GOLM1: variants seen among roughly 807,000 people sequenced by gnomAD.
The protein encoded by GOLM1 is golgi membrane protein 1.
A neutral mutation model predicts 50.5 loss-of-function variants in GOLM1; 31 were observed. That is an observed-to-expected ratio of 0.61 (90% CI 0.46 to 0.83). GOLM1 has a LOEUF of 0.83. GOLM1 is among the 40% of genes least tolerant of loss of function. GOLM1 has a pLI of 0.00. For synonymous variants in GOLM1, 178 were observed against 192.8 expected (o/e 0.92, Z 0.64); for missense variants, 491 against 501.3 (o/e 0.98, Z 0.20).
chr9:86,041,197 T>C (rs1456326766), intron 5 of GOLM1, among the ~76,000 whole-genome samples: 2 of 152,166 alleles, frequency 1.3e-5, no homozygotes, highest in Non-Finnish European at 2.9e-5. Flanking sequence ...CTTAAAAGCC[T>C]TGGAAGTTCC....
At position 86,041,738 on chromosome 9, in the gene GOLM1, G is replaced by A. The variant is rs779098317; in HGVS notation, c.468-870C>T. 1.8e-4 allele frequency among the ~76,000 whole-genome samples: 28 copies of A among 152,172 alleles called. 1 individual carries two copies. The highest frequency in any genetic ancestry group is 9.2e-4 in the Admixed American group (14 of 15,282). ...TGAGGGTGGCTAGGGGACACATCAA[G>A]ACTTGTGGCTGGCATCTGAGGTGGG... On this transcript the variant is annotated intron_variant, in intron 5 of 9. Transcript: ENST00000388712.
intron 6 of GOLM1, among the ~76,000 whole-genome samples, chr9:86,038,220 T>G (rs947881268): frequency 6.6e-6 from 1 of 151,182 alleles, no homozygotes; most frequent in Non-Finnish European, 1.5e-5. Context: ...CCCATACTTA[T>G]GAGTTTTACC....
chr9:86,099,032 C>T (rs931705011), intron 1 of GOLM1, among the ~76,000 whole-genome samples: 25 of 152,300 alleles, frequency 1.6e-4, no homozygotes, highest in Middle Eastern at 3.4e-3. Flanking sequence ...GGAACTAGTG[C>T]GACTTAGGGG....
At chr9:86,060,816 T>C (rs1368981256) in intron 3 of GOLM1, among the ~76,000 whole-genome samples, 6 of 130,774 alleles carry the variant, frequency 4.6e-5, no homozygotes, top group African/African-American at 1.4e-4. Flanking sequence ...AGGCAGAGGT[T>C]GCGGTGAGCC....
At chr9:86,089,436 T>C (rs1835103219) in intron 1 of GOLM1, among the ~76,000 whole-genome samples, 1 of 152,174 alleles carries the variant, frequency 6.6e-6, no homozygotes, top group Non-Finnish European at 1.5e-5. Flanking sequence ...CCATATTTGT[T>C]GGAGGCTTTG....
chr9:86,028,897 G>A (rs545346290), intron 9 of GOLM1, among the ~76,000 whole-genome samples: 1 of 143,736 alleles, frequency 7.0e-6, no homozygotes. Context: ...CACCCAGGCT[G>A]GAGTGCAGTC....
intron 3 of GOLM1, among the ~76,000 whole-genome samples, chr9:86,056,427 C>CT (rs1833988207): frequency 6.6e-6 from 1 of 151,000 alleles, no homozygotes; most frequent in South Asian, 2.1e-4. Flanking sequence ...TTCTTAGCTT[C>CT]TTTCAGGGTT....
intron 5 of GOLM1, among the ~76,000 whole-genome samples, chr9:86,044,831 A>C (rs915033559): frequency 1.3e-5 from 2 of 152,038 alleles, no homozygotes; most frequent in African/African-American, 2.4e-5. Flanking sequence ...ACGTGCCCAT[A>C]ATCCCAGCTA....
At chr9:86,033,947 C>T (rs1470825232) in intron 8 of GOLM1, among the ~76,000 whole-genome samples, 1 of 151,584 alleles carries the variant, frequency 6.6e-6, no homozygotes, top group African/African-American at 2.4e-5. Flanking sequence ...TATGTGTATG[C>T]AGGCTGGTAA....
At chr9:86,092,998 G>A (rs1835233787) in intron 1 of GOLM1, among the ~76,000 whole-genome samples, 1 of 152,176 alleles carries the variant, frequency 6.6e-6, no homozygotes, top group Admixed American at 6.5e-5. Flanking sequence ...CCAACATACT[G>A]AAAATGATTA....
chr9:86,088,387 C>T (rs556468690), intron 1 of GOLM1, among the ~76,000 whole-genome samples: 142 of 132,376 alleles, frequency 1.1e-3, no homozygotes, highest in Non-Finnish European at 1.6e-3. Flanking sequence ...TTTCAAAAAA[C>T]CAGCTCCTGG....
chr9:86,047,734 C>T (rs1206098268), intron 4 of GOLM1, among the ~76,000 whole-genome samples: 5 of 152,146 alleles, frequency 3.3e-5, no homozygotes, highest in African/African-American at 4.8e-5. Flanking sequence ...CAAGAGATAA[C>T]GGAATACAAC....
chr9:86,088,420 G>GTACATATA (rs1554675516), intron 1 of GOLM1, among the ~76,000 whole-genome samples: 32 of 86,306 alleles, frequency 3.7e-4, no homozygotes, highest in Non-Finnish European at 1.0e-4. Flanking sequence ...TTTGAAGGGT[G>GTACATATA]TATATATATA....
At position 86,026,198 on chromosome 9, in the gene GOLM1, C is replaced by CATGAG. The variant is rs1382421374; in HGVS notation, c.*1614_*1618dup. On this transcript the variant is annotated 3_prime_UTR_variant, in exon 10 of 10. Transcript: ENST00000388712. ...AGCAATTCTATGCGTACAAATTAAA[C>CATGAG]ATGAGATGAATAGAGACTTTATTGA... 1.0e-6 allele frequency: 1 copy of CATGAG among 981,114 alleles called. No individual in the cohort carries two copies. The highest frequency in any genetic ancestry group is 1.2e-6 in the Non-Finnish European group (1 of 826,076). The allele number at this position is 981,114 out of a possible 1,614,324, so 60.8% of individuals were successfully genotyped here.
chr9:86,053,205 C>A (rs1393080827), intron 3 of GOLM1, among the ~76,000 whole-genome samples: 5 of 136,112 alleles, frequency 3.7e-5, no homozygotes, highest in Non-Finnish European at 7.9e-5. Flanking sequence ...CCACACCAAA[C>A]CACACACATC....
At chr9:86,050,298 G>A (rs1833700106) in intron 4 of GOLM1, among the ~76,000 whole-genome samples, 1 of 152,188 alleles carries the variant, frequency 6.6e-6, no homozygotes, top group Non-Finnish European at 1.5e-5. Flanking sequence ...TTGCATCGAT[G>A]TTCATCAGGG....
chr9:86,043,064 A>G (rs1459769923), intron 5 of GOLM1, among the ~76,000 whole-genome samples: 2 of 152,330 alleles, frequency 1.3e-5, no homozygotes, highest in African/African-American at 4.8e-5. Context: ...GTTCAAGTAC[A>G]AGGATCTATC....
chr9:86,038,464 C>G (rs1833224858), intron 6 of GOLM1, among the ~76,000 whole-genome samples: 2 of 152,186 alleles, frequency 1.3e-5, no homozygotes, highest in Non-Finnish European at 2.9e-5. Flanking sequence ...ACACCCAACT[C>G]CAGTAAGCTC....
chr9:86,074,528 C>T (rs551195302), intron 3 of GOLM1, among the ~76,000 whole-genome samples: 20 of 152,276 alleles, frequency 1.3e-4, no homozygotes, highest in Admixed American at 1.0e-3. Flanking sequence ...CCTTCAGGTG[C>T]GGGCAGCCAA....
Sources: allele counts gnomAD v4.1 joint callset (sites outside exome capture counted in the v4.1 genomes callset), GRCh38; gene constraint gnomAD v4.1.1; transcripts MANE v1.5; gene names NCBI Gene and HGNC (gene_info 2026-07-23, HGNC 2026-07-21).